Variants in GPC5 observed in about 807,000 individuals in gnomAD.
GPC5 encodes the protein glypican-5.
A neutral mutation model predicts 53.9 loss-of-function variants in GPC5; 47 were observed. That is an observed-to-expected ratio of 0.87 (90% CI 0.69 to 1.11). The LOEUF (loss-of-function observed/expected upper bound fraction) is 1.11. GPC5 is among the 50% of genes most tolerant of loss of function. GPC5 has a pLI of 0.00. For missense variants in GPC5, 748 were observed against 713.1 expected (o/e 1.05, Z -0.56); for synonymous variants, 286 against 263.3 (o/e 1.09, Z -0.84).
At chr13:91,826,653 A>C (rs1446606375) in intron 5 of GPC5, among the ~76,000 whole-genome samples, 2 of 152,146 alleles carry the variant, frequency 1.3e-5, no homozygotes, top group Non-Finnish European at 2.9e-5. Flanking sequence ...AATTAAAGTC[A>C]GAGTATTCAG....
At chr13:92,636,928 C>T (rs981856823) in intron 7 of GPC5, among the ~76,000 whole-genome samples, 3 of 152,020 alleles carry the variant, frequency 2.0e-5, no homozygotes, top group Non-Finnish European at 4.4e-5. Flanking sequence ...ATGAATAGCC[C>T]GTATTCTCAA....
chr13:91,713,566 C>G (rs571956135), intron 3 of GPC5, among the ~76,000 whole-genome samples: 2 of 152,234 alleles, frequency 1.3e-5, no homozygotes, highest in East Asian at 3.9e-4. Context: ...TCACATCAGC[C>G]TGGTAGAAAT....
chr13:92,036,043 T>G (rs1377469705), intron 6 of GPC5, among the ~76,000 whole-genome samples: 11 of 152,234 alleles, frequency 7.2e-5, no homozygotes, highest in Non-Finnish European at 1.0e-4. Flanking sequence ...AGTTTGATAG[T>G]TCTATCACAT....
At chr13:92,722,395 G>A (rs759397625) in intron 7 of GPC5, among the ~76,000 whole-genome samples, 4 of 151,802 alleles carry the variant, frequency 2.6e-5, no homozygotes, top group Admixed American at 2.6e-4. Context: ...TCAGTCATGA[G>A]CCCCTTGGTA....
intron 7 of GPC5, among the ~76,000 whole-genome samples, chr13:92,369,564 T>C (rs1005917682): frequency 6.6e-6 from 1 of 152,206 alleles, no homozygotes; most frequent in Non-Finnish European, 1.5e-5. Context: ...AAGCAAAGCC[T>C]GAATGAATGA....
intron 5 of GPC5, among the ~76,000 whole-genome samples, chr13:91,899,894 T>A (rs2039480454): frequency 6.6e-6 from 1 of 152,088 alleles, no homozygotes; most frequent in Non-Finnish European, 1.5e-5. Context: ...TGTGAGAGAA[T>A]ATATTTCTGT....
intron 6 of GPC5, among the ~76,000 whole-genome samples, chr13:92,088,421 C>A (rs2041352887): frequency 6.6e-6 from 1 of 152,104 alleles, no homozygotes; most frequent in Non-Finnish European, 1.5e-5. Flanking sequence ...TCCTGGACCA[C>A]AGCTTTGGCC....
chr13:91,445,876 G>T (rs1264889877), intron 1 of GPC5, among the ~76,000 whole-genome samples: 1 of 152,110 alleles, frequency 6.6e-6, no homozygotes, highest in Non-Finnish European at 1.5e-5. Context: ...TGGTTAAATG[G>T]GGAGCTACTG....
chr13:91,446,543 C>T (rs1880816811), intron 1 of GPC5, among the ~76,000 whole-genome samples: 1 of 152,148 alleles, frequency 6.6e-6, no homozygotes, highest in Admixed American at 6.5e-5. Context: ...CTTCAGATAC[C>T]TCTAGTTACC....
intron 1 of GPC5, among the ~76,000 whole-genome samples, chr13:91,429,629 A>T (rs9589229): frequency 2.6e-5 from 4 of 152,178 alleles, no homozygotes; most frequent in African/African-American, 4.8e-5. Flanking sequence ...TATGGAAGTG[A>T]TGGAACAACA....
chr13:92,746,860 A>T (rs758884105), intron 7 of GPC5, among the ~76,000 whole-genome samples: 19 of 152,158 alleles, frequency 1.2e-4, no homozygotes, highest in Non-Finnish European at 4.4e-5. Context: ...TGACAAATGC[A>T]TCATTAGGCA....
intron 3 of GPC5, among the ~76,000 whole-genome samples, chr13:91,700,030 T>A (rs1237205946): frequency 6.6e-6 from 1 of 152,220 alleles, no homozygotes; most frequent in Non-Finnish European, 1.5e-5. Context: ...TATCATAAAT[T>A]TGATACTCTG....
At chr13:91,998,060 A>G (rs1339032494) in intron 6 of GPC5, among the ~76,000 whole-genome samples, 4 of 152,194 alleles carry the variant, frequency 2.6e-5, no homozygotes, top group African/African-American at 9.7e-5. Flanking sequence ...TTGTTTTTCT[A>G]TTGCCTAATC....
At chr13:91,739,709 G>C (rs550138446) in intron 4 of GPC5, among the ~76,000 whole-genome samples, 1 of 151,530 alleles carries the variant, frequency 6.6e-6, no homozygotes, top group African/African-American at 2.5e-5. Flanking sequence ...AGAAATCTAA[G>C]AGAGAGCAAG....
chr13:92,563,631 A>G (rs1333837435), intron 7 of GPC5, among the ~76,000 whole-genome samples: 2 of 152,052 alleles, frequency 1.3e-5, no homozygotes, highest in African/African-American at 2.4e-5. Flanking sequence ...AAGACAAAGT[A>G]AGATAGAAGA....
chr13:92,794,189 T>C (rs965954071), intron 7 of GPC5, among the ~76,000 whole-genome samples: 1 of 152,212 alleles, frequency 6.6e-6, no homozygotes, highest in Middle Eastern at 3.4e-3. Context: ...ATCCACTTTA[T>C]CAAGTCGGTT....
At chr13:92,493,519 G>C (rs76233885) in intron 7 of GPC5, among the ~76,000 whole-genome samples, 1 of 152,148 alleles carries the variant, frequency 6.6e-6, no homozygotes, top group Non-Finnish European at 1.5e-5. Context: ...AACTGCAGTA[G>C]TAGGTTTTGG....
chr13:92,384,496 A>G (rs891819160), intron 7 of GPC5, among the ~76,000 whole-genome samples: 3 of 152,198 alleles, frequency 2.0e-5, no homozygotes, highest in African/African-American at 4.8e-5. Flanking sequence ...TCATTTATGT[A>G]ATCAACTTAT....
intron 2 of GPC5, among the ~76,000 whole-genome samples, chr13:91,496,695 T>A (rs1884285080): frequency 6.6e-6 from 1 of 152,100 alleles, no homozygotes; most frequent in Non-Finnish European, 1.5e-5. Context: ...AAAAATAGAT[T>A]GAATGAATAA....
Sources: allele counts gnomAD v4.1 joint callset (sites outside exome capture counted in the v4.1 genomes callset), GRCh38; gene constraint gnomAD v4.1.1; transcripts MANE v1.5; gene names NCBI Gene and HGNC (gene_info 2026-07-23, HGNC 2026-07-21).